TRMT13: variants seen among roughly 807,000 people sequenced by gnomAD.
The protein encoded by TRMT13 is tRNA methyltransferase 13, also known as tRNA:m(4)X modification enzyme TRM13 homolog.
A neutral mutation model predicts 55.9 loss-of-function variants in TRMT13; 45 were observed. The observed-to-expected ratio is 0.80, with a 90% CI of 0.63 to 1.03. The LOEUF is 1.03. TRMT13 is among the 50% of genes least tolerant of loss of function. The pLI is 0.00. For synonymous variants in TRMT13, 183 were observed against 196.3 expected (o/e 0.93, Z 0.57); for missense variants, 513 against 563.9 (o/e 0.91, Z 0.91).
chr1:100,150,208 G>T lies in TRMT13; in HGVS notation c.*1388G>T, dbSNP rs1200310629. The stretch of plus-strand genomic sequence containing the variant: ...AGAGTAATTCAATAAATATTAACTA[G>T]TAATAGTAGTGGTAGTAACTCGTGA... On this transcript the variant is annotated 3_prime_UTR_variant, in exon 11 of 11. Transcript: ENST00000370141. The T allele has an allele frequency of 5.9e-5, 9 of 152,096 alleles. No homozygotes were observed. The highest frequency in any genetic ancestry group is 2.2e-4 in the African/African-American group (9 of 41,420). 9.4% of individuals were successfully genotyped at this position (152,096 alleles called of 1,614,324 possible). A position where few individuals can be genotyped will look rare whatever the true frequency, so the allele number is the denominator to read the frequency against.
rs945668065 is a variant in TRMT13 at position 100,150,418 on chromosome 1, A to C, written c.*1598A>C. The C allele has an allele frequency of 2.6e-5, 4 of 152,230 alleles. No individual in the cohort carries two copies. The highest frequency in any genetic ancestry group is 4.4e-5 in the Non-Finnish European group (3 of 68,026). The allele number at this position is 152,230 out of a possible 1,614,324, so 9.4% of individuals were successfully genotyped here. A position where few individuals can be genotyped will look rare whatever the true frequency, so the allele number is the denominator to read the frequency against. On this transcript the variant is annotated 3_prime_UTR_variant, in exon 11 of 11. Coordinates refer to ENST00000370141, the MANE Select transcript of TRMT13 (RefSeq NM_019083.3). ...TTAACCTTTTTTTATTGTGTCAAGC[A>C]ATACTAATTTGTGTCATAAAATTTG...
At chr1:100,138,853 A>G (rs1467641946) in intron 3 of TRMT13, among the ~76,000 whole-genome samples, 1 of 152,248 alleles carries the variant, frequency 6.6e-6, no homozygotes, top group Non-Finnish European at 1.5e-5. Context: ...GAGCAGATGT[A>G]GAACATTTCC....
At chr1:100,138,269 A>C (rs545037694) in intron 3 of TRMT13, among the ~76,000 whole-genome samples, 18 of 152,336 alleles carry the variant, frequency 1.2e-4, no homozygotes, top group African/African-American at 4.1e-4. Flanking sequence ...ATACTAAATA[A>C]AAGTTAGTTG....
chr1:100,136,081 G>T (rs1054257460), intron 1 of TRMT13, among the ~76,000 whole-genome samples: 13 of 152,102 alleles, frequency 8.5e-5, no homozygotes, highest in Non-Finnish European at 1.6e-4. Context: ...TATACTGTAT[G>T]ATGTTCTCCC....
At chr1:100,142,444 A>G (rs1322271415) in intron 7 of TRMT13, among the ~76,000 whole-genome samples, 1 of 152,172 alleles carries the variant, frequency 6.6e-6, no homozygotes, top group African/African-American at 2.4e-5. Flanking sequence ...GGGCAAGAGT[A>G]TGAGAAATAT....
At chr1:100,142,927 G>A (rs1364901200) in intron 7 of TRMT13, 1 of 508,984 alleles carries the variant, frequency 2.0e-6, no homozygotes. Flanking sequence ...AGGGTTAAAG[G>A]AAATAATGTC....
At chr1:100,141,245 G>A (rs1443004674) in intron 7 of TRMT13, among the ~76,000 whole-genome samples, 1 of 152,142 alleles carries the variant, frequency 6.6e-6, no homozygotes, top group Non-Finnish European at 1.5e-5. Context: ...ATTATTTGCA[G>A]AGACAGGAAA....
At chr1:100,141,256 A>T (rs1189521361) in intron 7 of TRMT13, among the ~76,000 whole-genome samples, 2 of 152,188 alleles carry the variant, frequency 1.3e-5, no homozygotes, top group Non-Finnish European at 2.9e-5. Flanking sequence ...AGACAGGAAA[A>T]TATATAGAAA....
Position 100,143,347 on chromosome 1 carries a change from T to G in TRMT13, c.742+138T>G, listed in dbSNP as rs148236085. On this transcript the variant is annotated intron_variant, in intron 8 of 10. Coordinates refer to ENST00000370141, the MANE Select transcript of TRMT13 (RefSeq NM_019083.3). ...CAATTCATTGTTAATATAGAATGTTTTATATAATGTTTTTAAATAGATGTA... is the reference window on the plus strand; with the variant it reads ...CAATTCATTGTTAATATAGAATGTTGTATATAATGTTTTTAAATAGATGTA... The G allele has an allele frequency of 3.9e-4, 207 of 530,444 alleles. 1 individual carries two copies. The East Asian group carries it at 6.1e-3, about 16-fold the overall frequency. 32.9% of individuals were successfully genotyped at this position (530,444 alleles called of 1,614,324 possible).
chr1:100,143,160 A>C lies in TRMT13; in HGVS notation c.693A>C (p.Lys231Asn). Residue 231 changes from lysine to asparagine, a missense_variant, in exon 8 of 11, where the codon AAA becomes AAC. Lys to Asn is a moderately conservative substitution (Grantham distance 94). This residue lies in a region of TRMT13 where 298 missense variants were observed against 290.3 expected (regional missense o/e 1.03). Coordinates refer to ENST00000370141, the MANE Select transcript of TRMT13 (RefSeq NM_019083.3). ...AGGTGGATGGAAAACACAGAAAGAA[A>C]AATTCAGTGTTTGAAAGACTTCAAA... ...RFKVDGKHRK[K>N]NSVFERLQID... is the part of the protein sequence containing the mutation. 1 of 1,610,622 alleles carries C rather than the reference A, an allele frequency of 6.2e-7. No homozygotes were observed.
At position 100,144,159 on chromosome 1, in the gene TRMT13, G is replaced by C. The variant is rs1557912632; in HGVS notation, c.817+16G>C. On this transcript the variant is annotated intron_variant, in intron 9 of 10. Coordinates refer to ENST00000370141, the MANE Select transcript of TRMT13 (RefSeq NM_019083.3). Reference sequence around the variant, plus strand: ...ATGGCAACAGGTACGTAAACATACTGATAATGTTTACATTAATGCATTAAG... The same window carrying C: ...ATGGCAACAGGTACGTAAACATACTCATAATGTTTACATTAATGCATTAAG... 3 of 1,599,678 alleles carry C rather than the reference G, an allele frequency of 1.9e-6. No homozygotes were observed. Among genetic ancestry groups the C allele is most frequent in the Non-Finnish European group, 2.6e-6 (3 of 1,167,204 alleles).
At chr1:100,140,137 A>T in intron 4 of TRMT13, 45 bp from the exon 5 acceptor site, 2 of 1,419,822 alleles carry the variant, frequency 1.4e-6, no homozygotes, top group Non-Finnish European at 2.0e-6. Flanking sequence ...ATGCTACTTT[A>T]AAGCAATTTT....
intron 1 of TRMT13, among the ~76,000 whole-genome samples, chr1:100,134,596 G>A (rs1005320893): frequency 6.6e-6 from 1 of 152,198 alleles, no homozygotes; most frequent in African/African-American, 2.4e-5. Context: ...TATGGGAGAC[G>A]TGATTTGTTG....
At chr1:100,137,191 A>C in intron 3 of TRMT13, 106 bp downstream of exon 3, 9 of 963,180 alleles carry the variant, frequency 9.3e-6, no homozygotes, top group Non-Finnish European at 1.4e-5. Flanking sequence ...ACCCAAGCTC[A>C]GGAAATATAA....
At chr1:100,147,551 A>G (rs1277281801) in intron 9 of TRMT13, among the ~76,000 whole-genome samples, 2 of 152,234 alleles carry the variant, frequency 1.3e-5, no homozygotes, top group Non-Finnish European at 2.9e-5. Context: ...GTAGGTGAAT[A>G]AAGTTTTCCC....
intron 3 of TRMT13, among the ~76,000 whole-genome samples, chr1:100,138,704 A>T (rs1313505920): frequency 6.6e-6 from 1 of 152,130 alleles, no homozygotes; most frequent in Non-Finnish European, 1.5e-5. Context: ...GTACTTTTTC[A>T]TTCATCTAGA....
rs182274119 is a variant in TRMT13, at chr1:100,138,421, T to C, written c.262-1228T>C. Among the ~76,000 whole-genome samples the C allele has an allele frequency of 6.7e-3, 1,021 of 152,290 alleles. 7 individuals carry two copies. Among genetic ancestry groups the C allele is most frequent in the Non-Finnish European group, 0.011 (760 of 68,022 alleles). On this transcript the variant is annotated intron_variant, in intron 3 of 10. Coordinates refer to ENST00000370141, the MANE Select transcript of TRMT13 (RefSeq NM_019083.3). The stretch of plus-strand genomic sequence containing the variant: ...CTTAACAGCTAGTTTTCTATTATAG[T>C]TTTTTTCCGTTATCCAGTAAAACAT...
At chr1:100,137,222 G>T (rs1655996875) in intron 3 of TRMT13, 137 bp downstream of exon 3, 5 of 675,970 alleles carry the variant, frequency 7.4e-6, no homozygotes, top group Non-Finnish European at 9.7e-6. Flanking sequence ...AAGAGATAGG[G>T]TCTCACTCTG....
rs749416325 is a variant in TRMT13 at position 100,133,168 on chromosome 1, T to G, written c.-1T>G. ...GGACACCGGAAGCGAGCCCTAGAAT[T>G]ATGGCGACCTCCGCGACGTCGCCGC... On this transcript the variant is annotated 5_prime_UTR_variant, in exon 1 of 11. It adds an upstream start codon to the 5' untranslated region. Transcript: ENST00000370141. The G allele has an allele frequency of 3.0e-5, 48 of 1,613,966 alleles. No individual in the cohort carries two copies. The highest frequency in any genetic ancestry group is 1.3e-5 in the African/African-American group (1 of 74,888).
Sources: allele counts gnomAD v4.1 joint callset (sites outside exome capture counted in the v4.1 genomes callset), GRCh38; gene constraint gnomAD v4.1.1; regional missense constraint gnomAD v4.1.1; transcripts MANE v1.5; gene names NCBI Gene and HGNC (gene_info 2026-07-23, HGNC 2026-07-21).